Variants in MAPKAP1 observed in about 807,000 individuals in gnomAD.
MAPKAP1 encodes the protein target of rapamycin complex 2 subunit MAPKAP1.
Under a neutral mutation model 65.7 loss-of-function variants are expected in MAPKAP1, and 20 were observed. That is an observed-to-expected ratio of 0.30 (90% CI 0.21 to 0.44). The LOEUF (loss-of-function observed/expected upper bound fraction) is 0.44. Among genes scored for constraint, MAPKAP1 ranks in the 20% least tolerant of loss-of-function variants. MAPKAP1 has a pLI of 1.00. For missense variants in MAPKAP1, 423 were observed against 648.0 expected, an observed-to-expected ratio of 0.65 and a Z score of 3.77; for synonymous variants, 222 against 244.3, an observed-to-expected ratio of 0.91 and a Z score of 0.85.
rs549575261 is a variant in MAPKAP1, at chr9:125,609,062, C to T, written c.499-23335G>A. Reference sequence around the variant, plus strand: ...AGAGGGAGAGAAAAAAACCTAAATGCTTATACTACCTGAAACATGCTGATG... The same window carrying T: ...AGAGGGAGAGAAAAAAACCTAAATGTTTATACTACCTGAAACATGCTGATG... On this transcript the variant is annotated intron_variant, in intron 4 of 11. Transcript: ENST00000265960. Among the ~76,000 whole-genome samples the T allele has an allele frequency of 7.9e-5, 12 of 152,254 alleles. No homozygotes were observed. In the South Asian group the frequency reaches 2.3e-3, roughly 29 times the overall value.
intron 5 of MAPKAP1, among the ~76,000 whole-genome samples, chr9:125,583,327 C>T (rs927568723): frequency 6.6e-6 from 1 of 152,206 alleles, no homozygotes; most frequent in African/African-American, 2.4e-5. Context: ...TCCATTTTCA[C>T]CCCCAAATGT....
intron 8 of MAPKAP1, among the ~76,000 whole-genome samples, chr9:125,486,386 C>T (rs888673837): frequency 6.6e-6 from 1 of 152,154 alleles, no homozygotes; most frequent in African/African-American, 2.4e-5. Context: ...GGGCTGACCA[C>T]AGTAGGGTGC....
At chr9:125,673,729 G>A (rs1461769548) in intron 1 of MAPKAP1, among the ~76,000 whole-genome samples, 1 of 151,692 alleles carries the variant, frequency 6.6e-6, no homozygotes. Context: ...AGACCAACAT[G>A]GGCAACACAA....
chr9:125,528,322 C>T (rs920637245), intron 7 of MAPKAP1, among the ~76,000 whole-genome samples: 2 of 152,222 alleles, frequency 1.3e-5, no homozygotes, highest in South Asian at 4.1e-4. Flanking sequence ...TGGCCTGTTT[C>T]CCTTGATGGC....
intron 11 of MAPKAP1, among the ~76,000 whole-genome samples, chr9:125,441,141 G>A (rs1852465889): frequency 6.6e-6 from 1 of 152,206 alleles, no homozygotes; most frequent in South Asian, 2.1e-4. Context: ...GCATTTTACA[G>A]CTTAAGGCAT....
intron 10 of MAPKAP1, among the ~76,000 whole-genome samples, chr9:125,445,069 G>A (rs1382048023): frequency 6.6e-6 from 1 of 152,076 alleles, no homozygotes; most frequent in Non-Finnish European, 1.5e-5. Flanking sequence ...CCTGGAGAGG[G>A]AGAATCCCAG....
chr9:125,591,016 C>T (rs892115247), intron 4 of MAPKAP1, among the ~76,000 whole-genome samples: 1 of 152,096 alleles, frequency 6.6e-6, no homozygotes, highest in Non-Finnish European at 1.5e-5. Flanking sequence ...TCAAGTGATC[C>T]GCCCACCTCG....
chr9:125,629,682 G>C (rs1833218832), intron 4 of MAPKAP1, among the ~76,000 whole-genome samples: 1 of 152,168 alleles, frequency 6.6e-6, no homozygotes, highest in Admixed American at 6.5e-5. Flanking sequence ...TGAGAGGTCT[G>C]TTGACAGCAA....
chr9:125,664,009 A>AT (rs1564607749), intron 3 of MAPKAP1, among the ~76,000 whole-genome samples: 1 of 152,210 alleles, frequency 6.6e-6, no homozygotes, highest in African/African-American at 2.4e-5. Context: ...TACTAGAACT[A>AT]TAAGAATTTA....
chr9:125,658,581 T>C (rs1373994130), intron 3 of MAPKAP1, among the ~76,000 whole-genome samples: 2 of 152,240 alleles, frequency 1.3e-5, no homozygotes, highest in South Asian at 2.1e-4. Flanking sequence ...AAGGCTCTTA[T>C]ACATTAGGGC....
chr9:125,466,203 G>T (rs1307711019), intron 10 of MAPKAP1, among the ~76,000 whole-genome samples: 6 of 152,192 alleles, frequency 3.9e-5, no homozygotes, highest in African/African-American at 1.4e-4. Context: ...AACATAGCAA[G>T]ACTTTGTGTC....
At chr9:125,575,926 A>C (rs1223083714) in intron 5 of MAPKAP1, among the ~76,000 whole-genome samples, 2 of 152,248 alleles carry the variant, frequency 1.3e-5, no homozygotes, top group African/African-American at 4.8e-5. Flanking sequence ...CATAATTCCC[A>C]AAAATTAGAA....
chr9:125,613,390 C>A (rs1832658284), intron 4 of MAPKAP1, among the ~76,000 whole-genome samples: 1 of 152,166 alleles, frequency 6.6e-6, no homozygotes, highest in Non-Finnish European at 1.5e-5. Context: ...ACAGAGTCAC[C>A]TTGCCAAGAC....
chr9:125,503,340 C>T (rs972477620), intron 8 of MAPKAP1, among the ~76,000 whole-genome samples: 1 of 152,230 alleles, frequency 6.6e-6, no homozygotes, highest in Non-Finnish European at 1.5e-5. Context: ...ATCCACAACC[C>T]AGCTCAACCT....
chr9:125,601,461 CTAAG>C (rs778175184), intron 4 of MAPKAP1, among the ~76,000 whole-genome samples: 107 of 152,266 alleles, frequency 7.0e-4, no homozygotes, highest in Non-Finnish European at 9.1e-4. Context: ...AGGTTCGTAA[CTAAG>C]TGTTTTATCA....
intron 10 of MAPKAP1, among the ~76,000 whole-genome samples, chr9:125,460,707 A>G (rs1388809723): frequency 6.6e-6 from 1 of 152,172 alleles, no homozygotes; most frequent in Non-Finnish European, 1.5e-5. Context: ...TCTATCATAC[A>G]CTGAGGGTCA....
chr9:125,535,755 A>G (rs1021952540), intron 7 of MAPKAP1, among the ~76,000 whole-genome samples: 1 of 152,246 alleles, frequency 6.6e-6, no homozygotes, highest in Non-Finnish European at 1.5e-5. Context: ...CACGTAATGT[A>G]GAATTATTTC....
chr9:125,697,422 T>C (rs926683771), intron 1 of MAPKAP1, among the ~76,000 whole-genome samples: 14 of 152,184 alleles, frequency 9.2e-5, no homozygotes, highest in African/African-American at 3.1e-4. Flanking sequence ...CACCTATTTC[T>C]TTTCTTTGCA....
intron 1 of MAPKAP1, among the ~76,000 whole-genome samples, chr9:125,705,221 T>C (rs891162259): frequency 6.6e-6 from 1 of 152,208 alleles, no homozygotes; most frequent in African/African-American, 2.4e-5. Flanking sequence ...AGGCAAGACA[T>C]GTAATGGAAA....
Sources: gnomAD v4.1 joint callset for allele counts (sites outside exome capture counted in the v4.1 genomes callset) on GRCh38, gnomAD v4.1.1 for gene constraint, MANE v1.5 for transcripts, NCBI Gene and HGNC (gene_info 2026-07-23, HGNC 2026-07-21) for gene names.